Variants in LMF1 observed in about 807,000 individuals in gnomAD.
LMF1 encodes transmembrane protein 112.
In LMF1, 68 loss-of-function variants were observed where a neutral mutation model predicts 60.6. The observed-to-expected ratio is 1.12, with a 90% CI of 0.92 to 1.37. LMF1 has a LOEUF of 1.37. Among genes scored for constraint, LMF1 ranks in the 40% most tolerant of loss-of-function variants. The pLI, the probability that LMF1 is intolerant of heterozygous loss-of-function variation, is 0.00. For synonymous variants in LMF1, 418 were observed against 324.7 expected (o/e 1.29, Z -3.09); for missense variants, 948 against 767.2 (o/e 1.24, Z -2.78).
rs1481939780 is a variant in LMF1 at position 874,267 on chromosome 16, T to C, written c.898-2926A>G. On this transcript the variant is annotated intron_variant, in intron 6 of 10. Transcript: ENST00000262301. This position sits in a 1 kb window ranked among gnomAD's most constrained non-coding sequence, Gnocchi z 4.1. ...AGAGCCTCAGGACAGCCGGCCTGTG[T>C]GTGCGGGGCTGGCAGGGCCTCCGGG... is the stretch of plus-strand genomic sequence containing the variant. Among the ~76,000 whole-genome samples the C allele has an allele frequency of 1.3e-5, 2 of 148,796 alleles. No homozygotes were observed. The highest frequency in any genetic ancestry group is 2.4e-5 in the African/African-American group (1 of 40,914).
In LMF1 at chr16:910,766, C is replaced by T. The variant is rs1401405248; in HGVS notation, c.663+165G>A. Among the ~76,000 whole-genome samples the T allele has an allele frequency of 8.5e-5, 13 of 152,316 alleles. No homozygotes were observed. In the East Asian group the frequency reaches 2.3e-3, roughly 27 times the overall value. On this transcript the variant is annotated intron_variant, in intron 4 of 10. Coordinates refer to ENST00000262301, the MANE Select transcript of LMF1 (RefSeq NM_022773.4). ...CCAGCCGGTCCCCAGCATTCAAACA[C>T]AGGCCCCTGAAGGGGCAGAAGAGTG...
chr16:901,010 C>T (rs974149403), intron 4 of LMF1: 2 of 152,114 alleles, frequency 1.3e-5, no homozygotes, highest in Non-Finnish European at 2.9e-5. Context: ...AGCATCTGCA[C>T]ACCTGCAGCC....
At chr16:951,059 AGAGTCAGCCG>A (rs1213820295) in intron 2 of LMF1, among the ~76,000 whole-genome samples, 15,014 of 78,354 alleles carry the variant, frequency 0.19, 5,211 homozygotes, top group African/African-American at 0.37. Context: ...AGCCAATGAC[AGAGTCAGCCG>A]ACAGAGTCAG....
Position 870,739 on chromosome 16 carries a change from C to T in LMF1, c.1222G>A (p.Ala408Thr), listed in dbSNP as rs558259540. Residue 408 changes from alanine (A) to threonine (T), a missense_variant, in exon 8 of 11, where the codon GCC (alanine) becomes ACC (threonine). Physicochemically the swap from Ala to Thr is moderately conservative, Grantham distance 58. Transcript: ENST00000262301. ...NSLHIVNTYG[A>T]FGSITKERAE... ...ACCCCAGGCTCATACCTTCCGAAGG[C>T]CCCGTAAGTGTTGACGATGTGAAGA... 6.2e-7 allele frequency: 1 copy of T among 1,612,742 alleles called. No homozygotes were observed. Among genetic ancestry groups the T allele is most frequent in the African/African-American group, 1.3e-5 (1 of 74,932 alleles).
chr16:861,181 T>C (rs2069453407), intron 10 of LMF1, among the ~76,000 whole-genome samples: 1 of 152,124 alleles, frequency 6.6e-6, no homozygotes, highest in South Asian at 2.1e-4. Flanking sequence ...GTTCTGTGCA[T>C]GTTTTGTCAG....
chr16:905,508 T>C (rs1057001528), intron 4 of LMF1, among the ~76,000 whole-genome samples: 2 of 152,358 alleles, frequency 1.3e-5, no homozygotes, highest in Non-Finnish European at 2.9e-5. Context: ...ATTTCCCTAA[T>C]AGCCAGTGCA....
At chr16:876,612 A>ATAAG (rs1209968826) in intron 6 of LMF1, among the ~76,000 whole-genome samples, 1 of 152,148 alleles carries the variant, frequency 6.6e-6, no homozygotes, top group African/African-American at 2.4e-5. Flanking sequence ...GTGTTCTAAA[A>ATAAG]TAAGTCAATT....
chr16:976,241 AG>A, intron 1 of LMF1: 1 of 446,326 alleles, frequency 2.2e-6, no homozygotes, highest in South Asian at 1.6e-5. Context: ...CAAGGGCCCA[AG>A]GGCTGAAATG....
chr16:964,797 G>T (rs897039809), intron 1 of LMF1, among the ~76,000 whole-genome samples: 3 of 152,208 alleles, frequency 2.0e-5, no homozygotes, highest in Non-Finnish European at 4.4e-5. Flanking sequence ...ATCTGACGAG[G>T]ATGCCAAGCT....
At position 853,746 on chromosome 16, in the gene LMF1, T is replaced by C. The variant is rs902592823; in HGVS notation, c.*786A>G. 1 of 454,004 alleles carries C rather than the reference T, an allele frequency of 2.2e-6. No homozygotes were observed. The highest frequency in any genetic ancestry group is 2.0e-5 in the African/African-American group (1 of 50,002). The allele number at this position is 454,004 out of a possible 1,614,324, so 28.1% of individuals were successfully genotyped here. A position where few individuals can be genotyped will look rare whatever the true frequency, so the allele number is the denominator to read the frequency against. ...GCAGTAGACGCTGTTTGTCCGACGA[T>C]GATGAAAGTGTGCACGGCCGGCTGT... On this transcript the variant is annotated 3_prime_UTR_variant, in exon 11 of 11. Coordinates refer to ENST00000262301, the MANE Select transcript of LMF1 (RefSeq NM_022773.4).
chr16:895,806 C>T (rs11862655), intron 4 of LMF1, among the ~76,000 whole-genome samples: 56,174 of 150,932 alleles, frequency 0.37, 11,785 homozygotes, highest in African/African-American at 0.54. Context: ...GTGAGCCAGA[C>T]GGGACACCAC....
intron 2 of LMF1, among the ~76,000 whole-genome samples, chr16:948,029 C>G (rs1472112569): frequency 7.6e-6 from 1 of 131,098 alleles, no homozygotes; most frequent in African/African-American, 2.8e-5. Flanking sequence ...GAGTCAGAGA[C>G]AACGACAGAG....
upstream of LMF1, chr16:981,472 A>C (rs564877949): frequency 2.5e-3 from 643 of 260,000 alleles, 4 homozygotes; most frequent in African/African-American, 0.014. Flanking sequence ...CGGCGCCCGC[A>C]GAGGAGAGGA....
chr16:955,365 A>G, intron 1 of LMF1, among the ~76,000 whole-genome samples: 1 of 148,510 alleles, frequency 6.7e-6, no homozygotes, highest in African/African-American at 2.5e-5. Context: ...CGTTACATAA[A>G]ATGCGTGCCC....
Position 868,198 on chromosome 16 carries a change from C to G in LMF1, c.1529+746G>C, listed in dbSNP as rs113986705. On this transcript the variant is annotated intron_variant, in intron 10 of 10. Coordinates refer to ENST00000262301, the MANE Select transcript of LMF1 (RefSeq NM_022773.4). ...ACGTCTCCAATCCTCCATGCTCTGC[C>G]CCACCCTGGGCCCCACCCCACACTG... Among the ~76,000 whole-genome samples the G allele has an allele frequency of 5.5e-3, 831 of 152,146 alleles. 10 individuals are homozygous for G. Among genetic ancestry groups the G allele is most frequent in the African/African-American group, 0.019 (798 of 41,524 alleles).
intron 10 of LMF1, among the ~76,000 whole-genome samples, chr16:868,575 G>T (rs905456831): frequency 1.3e-5 from 2 of 152,184 alleles, no homozygotes; most frequent in Non-Finnish European, 1.5e-5. Context: ...GGGGCTCCTG[G>T]AGTGAGGGCC....
intron 5 of LMF1, among the ~76,000 whole-genome samples, chr16:882,005 A>G (rs1198413372): frequency 6.6e-6 from 1 of 152,170 alleles, no homozygotes; most frequent in Non-Finnish European, 1.5e-5. Flanking sequence ...GCCAATCACA[A>G]GCGTCCCCGT....
chr16:863,182 T>C (rs963833107), intron 10 of LMF1, among the ~76,000 whole-genome samples: 4 of 152,228 alleles, frequency 2.6e-5, no homozygotes, highest in Non-Finnish European at 4.4e-5. Context: ...CTTTTTCGTT[T>C]CGAGACAGAA....
At chr16:952,894 C>G (rs377535810) in intron 2 of LMF1, among the ~76,000 whole-genome samples, 343 of 90,250 alleles carry the variant, frequency 3.8e-3, no homozygotes, top group African/African-American at 0.011. Context: ...CACAGACACC[C>G]ACCCCAAACC....
Sources: allele counts gnomAD v4.1 joint callset (sites outside exome capture counted in the v4.1 genomes callset), GRCh38; gene constraint gnomAD v4.1.1; non-coding constraint Gnocchi (gnomAD v3.1); transcripts MANE v1.5; gene names NCBI Gene and HGNC (gene_info 2026-07-23, HGNC 2026-07-21).